The following MKI67 variants were observed in gnomAD, a reference collection of about 807,000 sequenced individuals.
MKI67 encodes proliferation marker protein Ki-67.
In MKI67, 152 loss-of-function variants were observed where a neutral mutation model predicts 233.5. The observed-to-expected ratio is 0.65, with a 90% CI of 0.57 to 0.74. The LOEUF (loss-of-function observed/expected upper bound fraction) is 0.74. Among genes scored for constraint, MKI67 ranks in the 30% least tolerant of loss-of-function variants. The pLI, the probability that MKI67 is intolerant of heterozygous loss-of-function variation, is 0.00. For synonymous variants in MKI67, 1,465 were observed against 1,418.5 expected (o/e 1.03, Z -0.74); for missense variants, 3,940 against 3,885.2 (o/e 1.01, Z -0.37).
In MKI67 at chr10:128,108,760, G is replaced by A. The variant is rs2136137949; in HGVS notation, c.3080C>T (p.Ala1027Val). Residue 1027 changes from alanine (A) to valine (V), a missense_variant, in exon 13 of 15, where the codon GCA becomes GTA. By Grantham distance (64) the Ala-to-Val change is moderately conservative. Transcript: ENST00000368654. ...TPTHTKQQLK[A>V]SLGKVGVKEE... The stretch of plus-strand genomic sequence containing the variant: ...TTTCACACCTACTTTCCCCAGGGAT[G>A]CCTTCAACTGTTGTTTTGTGTGTGT... 1.9e-6 allele frequency: 3 copies of A among 1,614,220 alleles called. No homozygotes were observed. The African/African-American group carries it at 4.0e-5, about 22-fold the overall frequency.
rs1407866070 is a variant in MKI67, at chr10:128,097,738, G to GTACC, written c.*1448_*1451dup. 6.6e-6 allele frequency: 1 copy of GTACC among 152,348 alleles called. No individual in the cohort carries two copies. Among genetic ancestry groups the GTACC allele is most frequent in the Non-Finnish European group, 1.5e-5 (1 of 68,182 alleles). The allele number at this position is 152,348 out of a possible 1,614,324, so 9.4% of individuals were successfully genotyped here. On this transcript the variant is annotated 3_prime_UTR_variant, in exon 15 of 15. Coordinates refer to ENST00000368654, the MANE Select transcript of MKI67 (RefSeq NM_002417.5). ...CCTGTTCTGCCCTGGTGCAATCCCT[G>GTACC]TACCCTTTGCAGCCCTGTGAAGCCC...
In MKI67 at chr10:128,098,756, A is replaced by C; in HGVS notation, c.*434T>G. 1 of 154,852 alleles carries C rather than the reference A, an allele frequency of 6.5e-6. No homozygotes were observed. Among genetic ancestry groups the C allele is most frequent in the South Asian group, 2.0e-4 (1 of 5,022 alleles). 9.6% of individuals were successfully genotyped at this position (154,852 alleles called of 1,614,324 possible). A position where few individuals can be genotyped will look rare whatever the true frequency, so the allele number is the denominator to read the frequency against. The stretch of plus-strand genomic sequence containing the variant: ...GTAAGCTCCATTCATCCGTGCGCTC[A>C]TCCATTCATTCGTGTTTACCGAGTG... On this transcript the variant is annotated 3_prime_UTR_variant, in exon 15 of 15. Transcript: ENST00000368654.
rs1229961766 is a variant in MKI67, at chr10:128,107,306, T to G, written c.4534A>C (p.Lys1512Gln). ...DTPTSSKPQS[K>Q]RSLRKVDVEE... ...ACGTCCACTTTCCTGAGACTTCTCT[T>G]GGACTGTGGCTTGGAGCTTGTTGGT... Residue 1512 changes from lysine (K) to glutamine (Q), a missense_variant, in exon 13 of 15, where the codon AAG becomes CAG. Physicochemically the swap from Lys to Gln is moderately conservative, Grantham distance 53. Transcript: ENST00000368654. 1 of 1,614,182 alleles carries G rather than the reference T, an allele frequency of 6.2e-7. No individual in the cohort carries two copies. The highest frequency in any genetic ancestry group is 2.2e-5 in the East Asian group (1 of 44,876).
Position 128,123,093 on chromosome 10 carries a change from C to T in MKI67, c.169G>A (p.Glu57Lys), listed in dbSNP as rs549956378. ...QHCKIEIHEQ[E>K]AILHNFSSTN... The stretch of plus-strand genomic sequence containing the variant: ...AGATCTTCAAAAAACCCACTCACCT[C>T]CTGCTCATGGATTTCAATTTTGCAA... Residue 57 changes from glutamate to lysine, a missense_variant and splice_region_variant, in exon 3 of 15, where the codon GAG becomes AAG. Transcript: ENST00000368654. 34 of 1,613,450 alleles carry T rather than the reference C, an allele frequency of 2.1e-5. No homozygotes were observed. The South Asian group carries it at 3.7e-4, about 18-fold the overall frequency.
chr10:128,108,075 C>T lies in MKI67; in HGVS notation c.3765G>A (p.Gln1255=). ...KTTKIPCDSP[Q]SDPVDTPTST... is the part of the protein sequence containing the mutation. ...TTGTTGGGGTGTCCACTGGGTCTGACTGTGGAGAGTCGCAGGGTATTTTAG... is the reference window on the plus strand; with the variant it reads ...TTGTTGGGGTGTCCACTGGGTCTGATTGTGGAGAGTCGCAGGGTATTTTAG... Residue 1255 remains glutamine (Q), a synonymous_variant, in exon 13 of 15, where the codon CAG becomes CAA. Coordinates refer to ENST00000368654, the MANE Select transcript of MKI67 (RefSeq NM_002417.5). The T allele has an allele frequency of 6.2e-7, 1 of 1,611,808 alleles. No individual in the cohort carries two copies. Among genetic ancestry groups the T allele is most frequent in the East Asian group, 2.2e-5 (1 of 44,650 alleles).
rs764708224 is a variant in MKI67, at chr10:128,115,232, G to A, written c.1176C>T (p.Pro392=). 1.2e-6 allele frequency: 2 copies of A among 1,614,192 alleles called. No individual in the cohort carries two copies. The highest frequency in any genetic ancestry group is 2.2e-5 in the East Asian group (1 of 44,890). Residue 392 remains proline, a synonymous_variant, in exon 7 of 15, where the codon CCC becomes CCT. Coordinates refer to ENST00000368654, the MANE Select transcript of MKI67 (RefSeq NM_002417.5). ...GFKAGDKTLT[P]RKLSTRNRTP... ...TTCGATTTCTAGTTGAAAGCTTCCT[G>A]GGAGTAAGAGTTTTATCACCAGCCT...
At position 128,109,077 on chromosome 10, in the gene MKI67, C is replaced by T. The variant is rs1048503266; in HGVS notation, c.2763G>A (p.Glu921=). 6.2e-7 allele frequency: 1 copy of T among 1,613,984 alleles called. No homozygotes were observed. Among genetic ancestry groups the T allele is most frequent in the African/African-American group, 1.3e-5 (1 of 74,878 alleles). Residue 921 remains glutamate (E), a synonymous_variant, in exon 13 of 15, where the codon GAG becomes GAA. Transcript: ENST00000368654. ...ATLLQQRREG[E]MKEIERPFET... ...CAAAAGGTCTTTCTATTTCCTTCAT[C>T]TCTCCTTCTCTCCTTTGTTGTAGTA...
At chr10:128,123,425 TA>T (rs1369174397) in intron 2 of MKI67, among the ~76,000 whole-genome samples, 2 of 152,250 alleles carry the variant, frequency 1.3e-5, no homozygotes, top group Non-Finnish European at 2.9e-5. Flanking sequence ...CAAATCGAAT[TA>T]CCTTTTATAT....
chr10:128,122,717 T>C (rs1852973832), intron 4 of MKI67, among the ~76,000 whole-genome samples, 164 bp downstream of exon 4: 1 of 152,252 alleles, frequency 6.6e-6, no homozygotes. Flanking sequence ...ATTAGTCATC[T>C]TCCTAGATCC....
chr10:128,119,435 C>T (rs746768459), intron 4 of MKI67, 116 bp from the exon 5 acceptor site: 33 of 671,462 alleles, frequency 4.9e-5, no homozygotes, highest in Non-Finnish European at 7.8e-5. Flanking sequence ...TAGTTCAAGA[C>T]ATCACCTTAT....
intron 5 of MKI67, among the ~76,000 whole-genome samples, chr10:128,117,512 G>A (rs765626221): frequency 2.0e-5 from 3 of 152,168 alleles, no homozygotes; most frequent in Non-Finnish European, 4.4e-5. Flanking sequence ...AAGAACTAAA[G>A]AATAACATAT....
chr10:128,104,518 T>C lies in MKI67; in HGVS notation c.7322A>G (p.Lys2441Arg), dbSNP rs1242401048. The change falls in exon 13 of 15, where the codon AAA becomes AGA. Residue 2441 changes from lysine to arginine, a missense_variant. Physicochemically the swap from Lys to Arg is conservative, Grantham distance 26 (BLOSUM62 2). Coordinates refer to ENST00000368654, the MANE Select transcript of MKI67 (RefSeq NM_002417.5). ...AEALEDLVGFKELFQTPGHTE... is the reference protein window; with the variant it reads ...AEALEDLVGFRELFQTPGHTE... Reference sequence around the variant, plus strand: ...GTGACCTGGTGTCTGGAAGAGTTCTTTGAAGCCAACCAGGTCCTCTAGAGC... The same window carrying C: ...GTGACCTGGTGTCTGGAAGAGTTCTCTGAAGCCAACCAGGTCCTCTAGAGC... The C allele has an allele frequency of 2.5e-6, 4 of 1,614,108 alleles. No individual in the cohort carries two copies. In the Admixed American group the frequency reaches 6.7e-5, roughly 27 times the overall value.
At chr10:128,118,793 T>C (rs2136148594) in intron 5 of MKI67, among the ~76,000 whole-genome samples, 1 of 152,332 alleles carries the variant, frequency 6.6e-6, no homozygotes, top group East Asian at 1.9e-4. Flanking sequence ...GGATCCCTTT[T>C]CCTGTTTCAT....
At position 128,126,378 on chromosome 10, in the gene MKI67, TCCCG is replaced by T. The variant is rs61029493; in HGVS notation, c.-373_-370del. 6.2e-5 allele frequency: 9 copies of T among 145,372 alleles called. No homozygotes were observed. Among genetic ancestry groups the T allele is most frequent in the Non-Finnish European group, 9.3e-5 (6 of 64,496 alleles). 9.0% of individuals were successfully genotyped at this position (145,372 alleles called of 1,614,324 possible). Reference sequence around the variant, plus strand: ...TAGCGGCTCCCACCGAGTCGAGTCCTCCCGCCCGCCCGCCCGCCCGCAGCGTCAG... The same window carrying T: ...TAGCGGCTCCCACCGAGTCGAGTCCTCCCGCCCGCCCGCCCGCAGCGTCAG... On this transcript the variant is annotated 5_prime_UTR_variant, in exon 1 of 15. Coordinates refer to ENST00000368654, the MANE Select transcript of MKI67 (RefSeq NM_002417.5).
At chr10:128,101,850 G>T in intron 13 of MKI67, 149 bp from the exon 14 acceptor site, 1 of 662,118 alleles carries the variant, frequency 1.5e-6, no homozygotes, top group Non-Finnish European at 2.5e-6. Flanking sequence ...TTGTCATCTA[G>T]GATAGTCAAG....
chr10:128,107,938 G>C lies in MKI67; in HGVS notation c.3902C>G (p.Pro1301Arg), dbSNP rs144485736. 7 of 1,613,780 alleles carry C rather than the reference G, an allele frequency of 4.3e-6. No homozygotes were observed. The African/African-American group carries it at 9.3e-5, about 22-fold the overall frequency. ...GATGTCTTTCTCTTCACCTACTGAT[G>C]GTTTAGGCGTGTGCATGGCTTTGCC... is the stretch of plus-strand genomic sequence containing the variant. ...SAGKAMHTPK[P>R]SVGEEKDIII... Residue 1301 changes from proline (P) to arginine (R), a missense_variant, in exon 13 of 15, where the codon CCA becomes CGA. Pro to Arg is a moderately radical substitution (Grantham distance 103). Coordinates refer to ENST00000368654, the MANE Select transcript of MKI67 (RefSeq NM_002417.5).
Position 128,102,604 on chromosome 10 carries a change from A to T in MKI67, c.9236T>A (p.Leu3079Ter). The stretch of plus-strand genomic sequence containing the variant: ...CTTATTTTCAGGGACCGAGTCTTGT[A>T]ATTTGTGTTCCTCTTTGTTGGTTTT... ...DMKTNKEEHK[L>*]QDSVPENKGI... Residue 3079 changes from leucine (L) to a stop codon, truncating the protein, a stop_gained, in exon 13 of 15, where the codon TTA (leucine) becomes TAA (stop). Coordinates refer to ENST00000368654, the MANE Select transcript of MKI67 (RefSeq NM_002417.5). LOFTEE classifies it high-confidence loss of function. 1 of 1,613,868 alleles carries T rather than the reference A, an allele frequency of 6.2e-7. No individual in the cohort carries two copies. Among genetic ancestry groups the T allele is most frequent in the African/African-American group, 1.3e-5 (1 of 75,026 alleles).
chr10:128,097,006 T>A lies in MKI67; in HGVS notation c.*2184A>T, dbSNP rs1179904509. Reference sequence around the variant, plus strand: ...GGCAGGGAAAACAGCAGGGAGTGTGTGGTGGTTGGAGGTGCCTGCCTAAGG... The same window carrying A: ...GGCAGGGAAAACAGCAGGGAGTGTGAGGTGGTTGGAGGTGCCTGCCTAAGG... On this transcript the variant is annotated 3_prime_UTR_variant, in exon 15 of 15. Transcript: ENST00000368654. 6.6e-6 allele frequency: 1 copy of A among 152,380 alleles called. No individual in the cohort carries two copies. The highest frequency in any genetic ancestry group is 2.4e-5 in the African/African-American group (1 of 41,334). 9.4% of individuals were successfully genotyped at this position (152,380 alleles called of 1,614,324 possible). A position where few individuals can be genotyped will look rare whatever the true frequency, so the allele number is the denominator to read the frequency against.
rs1351327526 is a variant in MKI67, at chr10:128,098,095, T to G, written c.*1095A>C. The G allele has an allele frequency of 6.6e-6, 1 of 152,254 alleles. No homozygotes were observed. Among genetic ancestry groups the G allele is most frequent in the Non-Finnish European group, 1.5e-5 (1 of 68,078 alleles). 9.4% of individuals were successfully genotyped at this position (152,254 alleles called of 1,614,324 possible). On this transcript the variant is annotated 3_prime_UTR_variant, in exon 15 of 15. Transcript: ENST00000368654. The stretch of plus-strand genomic sequence containing the variant: ...ACAGGTGACCTGGGGGATGGCGGGC[T>G]ATTCTCTGATTTGGGGAACACAGAG...
Sources: gnomAD v4.1 joint callset for allele counts (sites outside exome capture counted in the v4.1 genomes callset) on GRCh38, gnomAD v4.1.1 for gene constraint, MANE v1.5 for transcripts, NCBI Gene and HGNC (gene_info 2026-07-23, HGNC 2026-07-21) for gene names.